The following POMP variants were observed in gnomAD, a reference collection of about 807,000 sequenced individuals.
POMP encodes the protein 2510048O06Rik.
A neutral mutation model predicts 20.6 loss-of-function variants in POMP; 12 were observed. The ratio of observed to expected loss-of-function variants is 0.58; its 90% confidence interval spans 0.37 to 0.94. POMP has a LOEUF of 0.94. POMP is among the 40% of genes least tolerant of loss of function. The probability of loss-of-function intolerance (pLI) is 0.01; values close to 1 mark genes in which losing one functional copy is unlikely to be tolerated. For synonymous variants in POMP, 53 were observed against 55.0 expected (o/e 0.96, Z 0.16); for missense variants, 136 against 161.1 (o/e 0.84, Z 0.84).
chr13:28,659,493 G>A (rs1358425971), intron 1 of POMP, among the ~76,000 whole-genome samples: 1 of 152,202 alleles, frequency 6.6e-6, no homozygotes, highest in Non-Finnish European at 1.5e-5. Context: ...TGGCGCAGAA[G>A]TGGAAAAGGC....
At chr13:28,667,575 A>G (rs1884470905) in intron 3 of POMP, among the ~76,000 whole-genome samples, 2 of 152,182 alleles carry the variant, frequency 1.3e-5, no homozygotes, top group Admixed American at 6.5e-5. Flanking sequence ...CTTACTTTCA[A>G]ACTTCATAGT....
Position 28,664,554 on chromosome 13 carries a change from A to G in POMP, c.147A>G (p.Glu49=). The change falls in exon 3 of 6, where the codon GAA becomes GAG. Residue 49 remains glutamate, a synonymous_variant. Transcript: ENST00000380842. Reference sequence around the variant, plus strand: ...AACTTTTGCCTAGTCATCCCCTTGAATTATCAGAAAAAAATGTAAGTATAT... The same window carrying G: ...AACTTTTGCCTAGTCATCCCCTTGAGTTATCAGAAAAAAATGTAAGTATAT... The part of the protein sequence containing the change: ...KNELLPSHPL[E]LSEKNFQLNQ... 1.3e-6 allele frequency: 2 copies of G among 1,560,978 alleles called. No individual in the cohort carries two copies.
At chr13:28,663,738 T>C (rs1312863683) in intron 2 of POMP, among the ~76,000 whole-genome samples, 1 of 152,248 alleles carries the variant, frequency 6.6e-6, no homozygotes, top group East Asian at 1.9e-4. Flanking sequence ...ATTGGAGATA[T>C]AATTTGATAT....
chr13:28,667,357 T>TACA (rs1232736670), intron 3 of POMP, among the ~76,000 whole-genome samples: 1 of 152,134 alleles, frequency 6.6e-6, no homozygotes, highest in East Asian at 1.9e-4. Context: ...TGCCTGTGAA[T>TACA]AGCCACTGCA....
intron 5 of POMP, among the ~76,000 whole-genome samples, chr13:28,675,402 G>A (rs1315275029): frequency 1.3e-5 from 2 of 152,186 alleles, no homozygotes; most frequent in South Asian, 2.1e-4. Context: ...GCCTCCCAAA[G>A]TGCTGGGATT....
At chr13:28,664,592 A>T in intron 3 of POMP, 23 bp downstream of exon 3, 1 of 1,310,322 alleles carries the variant, frequency 7.6e-7, no homozygotes, top group South Asian at 1.3e-5. Context: ...TTATGTCCTT[A>T]TTTTTATCTT....
At chr13:28,675,310 T>G (rs1371005047) in intron 5 of POMP, among the ~76,000 whole-genome samples, 1 of 151,936 alleles carries the variant, frequency 6.6e-6, no homozygotes, top group Non-Finnish European at 1.5e-5. Context: ...CTGCCTAATT[T>G]TGTATTTTAG....
At position 28,678,631 on chromosome 13, in the gene POMP, A is replaced by C. The variant is rs1884672982; in HGVS notation, c.*529A>C. 6.5e-6 allele frequency: 1 copy of C among 153,882 alleles called. No homozygotes were observed. Among genetic ancestry groups the C allele is most frequent in the Non-Finnish European group, 1.4e-5 (1 of 69,254 alleles). The allele number at this position is 153,882 out of a possible 1,614,324, so 9.5% of individuals were successfully genotyped here. A position where few individuals can be genotyped will look rare whatever the true frequency, so the allele number is the denominator to read the frequency against. On this transcript the variant is annotated 3_prime_UTR_variant, in exon 6 of 6. Coordinates refer to ENST00000380842, the MANE Select transcript of POMP (RefSeq NM_015932.6). Reference sequence around the variant, plus strand: ...ATTGTTTGATTATTTCAGGTTGAAAAGTAGAAGTTCCAAGGTTTTGATTTT... The same window carrying C: ...ATTGTTTGATTATTTCAGGTTGAAACGTAGAAGTTCCAAGGTTTTGATTTT...
intron 3 of POMP, among the ~76,000 whole-genome samples, chr13:28,666,849 A>G (rs1449570876): frequency 6.6e-6 from 1 of 152,176 alleles, no homozygotes; most frequent in African/African-American, 2.4e-5. Flanking sequence ...GCCCCCTACA[A>G]GGGAACAGTT....
chr13:28,676,921 C>T (rs776349778), intron 5 of POMP, among the ~76,000 whole-genome samples: 1 of 152,174 alleles, frequency 6.6e-6, no homozygotes, highest in Non-Finnish European at 1.5e-5. Context: ...CCACCAGTGC[C>T]TTGCTTACAT....
intron 5 of POMP, among the ~76,000 whole-genome samples, chr13:28,677,535 A>G (rs1754946): frequency 0.045 from 6,782 of 152,258 alleles, 504 homozygotes; most frequent in African/African-American, 0.15. Flanking sequence ...TCATCTGTAA[A>G]CACAAAAGTG....
chr13:28,665,668 T>C (rs1002003166), intron 3 of POMP, among the ~76,000 whole-genome samples: 1 of 152,242 alleles, frequency 6.6e-6, no homozygotes, highest in Non-Finnish European at 1.5e-5. Flanking sequence ...AAGTGGACTA[T>C]TGAGTGAGCT....
chr13:28,672,804 G>GTAA (rs528926657), intron 5 of POMP, among the ~76,000 whole-genome samples: 94 of 152,130 alleles, frequency 6.2e-4, no homozygotes, highest in Non-Finnish European at 9.0e-4. Context: ...TTTCAGTCTA[G>GTAA]TAATGGTGGT....
chr13:28,666,539 T>G (rs1271732521), intron 3 of POMP, among the ~76,000 whole-genome samples: 2 of 152,242 alleles, frequency 1.3e-5, no homozygotes. Flanking sequence ...CTTTAATCAT[T>G]TAGCCAGCTA....
intron 3 of POMP, among the ~76,000 whole-genome samples, chr13:28,667,720 A>G (rs984935695): frequency 1.3e-5 from 2 of 152,224 alleles, no homozygotes; most frequent in Non-Finnish European, 2.9e-5. Flanking sequence ...CCTCATTATA[A>G]TCACCTTAGC....
At chr13:28,666,385 T>G (rs1328553888) in intron 3 of POMP, among the ~76,000 whole-genome samples, 1 of 152,236 alleles carries the variant, frequency 6.6e-6, no homozygotes, top group African/African-American at 2.4e-5. Flanking sequence ...AGTCTGGCTA[T>G]TAGATTTGGA....
In POMP at chr13:28,671,981, A is replaced by C. The variant is rs115585597; in HGVS notation, c.265-358A>C. Reference sequence around the variant, plus strand: ...CAGCCTAAGCAACCTATTGAGTTGGACTTTCTTCAGGAATTTGATCATCCT... The same window carrying C: ...CAGCCTAAGCAACCTATTGAGTTGGCCTTTCTTCAGGAATTTGATCATCCT... On this transcript the variant is annotated intron_variant, in intron 4 of 5. Coordinates refer to ENST00000380842, the MANE Select transcript of POMP (RefSeq NM_015932.6). Among the ~76,000 whole-genome samples, 1,444 of 152,206 alleles carry C rather than the reference A, an allele frequency of 9.5e-3. 23 individuals carry two copies. The highest frequency in any genetic ancestry group is 0.033 in the African/African-American group (1,388 of 41,512).
At chr13:28,677,099 A>G (rs1347903661) in intron 5 of POMP, among the ~76,000 whole-genome samples, 6 of 152,286 alleles carry the variant, frequency 3.9e-5, no homozygotes, top group East Asian at 1.9e-4. Flanking sequence ...GTGACCCTCA[A>G]TCCCATTTTT....
At chr13:28,670,917 T>G (rs1360668277) in intron 4 of POMP, among the ~76,000 whole-genome samples, 3 of 151,986 alleles carry the variant, frequency 2.0e-5, no homozygotes, top group African/African-American at 7.3e-5. Flanking sequence ...CCTGGTGGCA[T>G]GTGCCTGTAA....
Sources: allele counts gnomAD v4.1 joint callset (sites outside exome capture counted in the v4.1 genomes callset), GRCh38; gene constraint gnomAD v4.1.1; transcripts MANE v1.5; gene names NCBI Gene and HGNC (gene_info 2026-07-23, HGNC 2026-07-21).